The following RPS6KC1 variants were observed in gnomAD, a reference collection of about 807,000 sequenced individuals.
RPS6KC1 encodes inactive ribosomal protein S6 kinase delta-1.
RPS6KC1 carries 54 observed loss-of-function variants against 103.8 expected under a neutral mutation model. The ratio of observed to expected loss-of-function variants is 0.52; its 90% CI spans 0.42 to 0.65. The LOEUF is 0.65. Among genes scored for constraint, RPS6KC1 ranks in the 30% least tolerant of loss-of-function variants. The pLI, the probability that RPS6KC1 is intolerant of heterozygous loss-of-function variation, is 0.00. For missense variants in RPS6KC1, 1,151 were observed against 1,253.8 expected (o/e 0.92, Z 1.24); for synonymous variants, 439 against 438.7 (o/e 1.00, Z -0.01).
At chr1:213,520,315 C>G in the RPS6KC1 span, among the ~76,000 whole-genome samples, 2 of 152,064 alleles carry the variant, frequency 1.3e-5, no homozygotes, top group African/African-American at 4.8e-5. Flanking sequence ...AGAATGAGAG[C>G]CAAGCGAAAG....
the RPS6KC1 span, among the ~76,000 whole-genome samples, chr1:213,522,251 A>T: frequency 3.3e-5 from 5 of 152,170 alleles, no homozygotes; most frequent in African/African-American, 1.2e-4. Flanking sequence ...TTTTGAAAAG[A>T]CTCTCTTTTT....
the RPS6KC1 span, among the ~76,000 whole-genome samples, chr1:213,621,562 G>T: frequency 1.3e-5 from 2 of 151,384 alleles, no homozygotes; most frequent in African/African-American, 4.9e-5. Flanking sequence ...ATTCCCTGAC[G>T]TGTAAAAATA....
chr1:213,192,094 A>G (rs2092769960), intron 8 of RPS6KC1, among the ~76,000 whole-genome samples: 1 of 152,082 alleles, frequency 6.6e-6, no homozygotes, highest in Non-Finnish European at 1.5e-5. Flanking sequence ...GAGGGTTTTT[A>G]TCATGAAGGG....
intron 8 of RPS6KC1, among the ~76,000 whole-genome samples, chr1:213,214,105 G>A (rs1301630411): frequency 1.1e-5 from 1 of 92,080 alleles, no homozygotes; most frequent in Non-Finnish European, 2.6e-5. Flanking sequence ...AGCGCAAGGG[G>A]TCAGGGAATT....
At chr1:213,318,790 G>T in the RPS6KC1 span, among the ~76,000 whole-genome samples, 14 of 152,156 alleles carry the variant, frequency 9.2e-5, no homozygotes, top group Non-Finnish European at 1.6e-4. Context: ...CTGCCCCCAT[G>T]ATTCAATTAC....
At chr1:213,117,584 G>A (rs1473853749) in intron 5 of RPS6KC1, among the ~76,000 whole-genome samples, 174 bp downstream of exon 5, 3 of 151,306 alleles carry the variant, frequency 2.0e-5, no homozygotes, top group African/African-American at 7.3e-5. Context: ...ATGATATTGG[G>A]TCAGGCATAT....
intron 6 of RPS6KC1, among the ~76,000 whole-genome samples, chr1:213,158,630 G>A (rs568147441): frequency 2.6e-5 from 4 of 152,246 alleles, no homozygotes; most frequent in African/African-American, 9.6e-5. Flanking sequence ...GAAATAAAGA[G>A]TTAAATAAGC....
the RPS6KC1 span, among the ~76,000 whole-genome samples, chr1:213,467,240 G>C: frequency 2.6e-5 from 4 of 152,194 alleles, no homozygotes; most frequent in Non-Finnish European, 4.4e-5. Flanking sequence ...GAATTCTAGT[G>C]ACCAAGCACT....
intron 6 of RPS6KC1, among the ~76,000 whole-genome samples, chr1:213,138,550 C>T (rs2086646697): frequency 6.6e-6 from 1 of 152,120 alleles, no homozygotes; most frequent in Admixed American, 6.6e-5. Flanking sequence ...CTATTGTTCC[C>T]TTCTGTGTCC....
chr1:213,219,401 A>T (rs1161328566), intron 8 of RPS6KC1, among the ~76,000 whole-genome samples: 1 of 152,222 alleles, frequency 6.6e-6, no homozygotes, highest in Non-Finnish European at 1.5e-5. Flanking sequence ...AGACTTGTAC[A>T]CTGTTGGTGG....
At chr1:213,447,083 T>C in the RPS6KC1 span, among the ~76,000 whole-genome samples, 1 of 152,124 alleles carries the variant, frequency 6.6e-6, no homozygotes, top group South Asian at 2.1e-4. Context: ...ATTTTTTTTT[T>C]TTTTGACAGA....
the RPS6KC1 span, among the ~76,000 whole-genome samples, chr1:213,750,717 T>C: frequency 6.6e-6 from 1 of 152,138 alleles, no homozygotes; most frequent in Non-Finnish European, 1.5e-5. Flanking sequence ...CTTATGCAAG[T>C]CTAGGGTTCA....
At chr1:213,829,253 A>G in the RPS6KC1 span, among the ~76,000 whole-genome samples, 1 of 131,996 alleles carries the variant, frequency 7.6e-6, no homozygotes, top group Admixed American at 8.3e-5. Context: ...GAAAGACAAG[A>G]GACCTCGTTT....
chr1:213,646,124 T>TACAC, the RPS6KC1 span, among the ~76,000 whole-genome samples: 430 of 152,374 alleles, frequency 2.8e-3, 1 homozygote, highest in African/African-American at 0.01. Context: ...TGAAGTTTTA[T>TACAC]AACTTGTGGT....
chr1:213,516,659 G>T, the RPS6KC1 span, among the ~76,000 whole-genome samples: 4 of 152,132 alleles, frequency 2.6e-5, no homozygotes, highest in African/African-American at 9.7e-5. Context: ...TTTTGGCATC[G>T]ATGTTCATCA....
the RPS6KC1 span, among the ~76,000 whole-genome samples, chr1:213,517,830 A>G: frequency 2.0e-5 from 3 of 152,116 alleles, no homozygotes; most frequent in Admixed American, 1.3e-4. Context: ...ACAGTGGGGT[A>G]TTAAAGTCTC....
chr1:213,621,378 G>T, the RPS6KC1 span, among the ~76,000 whole-genome samples: 1 of 138,270 alleles, frequency 7.2e-6, no homozygotes, highest in Admixed American at 7.5e-5. Flanking sequence ...TCTGCTAAGA[G>T]ACAGGTATAT....
At chr1:213,346,752 C>T in the RPS6KC1 span, among the ~76,000 whole-genome samples, 57 of 151,788 alleles carry the variant, frequency 3.8e-4, no homozygotes, top group Admixed American at 8.5e-4. Context: ...GTATGCAGTG[C>T]GATTTTATAA....
the RPS6KC1 span, among the ~76,000 whole-genome samples, chr1:213,546,978 A>C: frequency 1.3e-5 from 2 of 152,074 alleles, no homozygotes; most frequent in African/African-American, 4.8e-5. Flanking sequence ...ACTCTATTAC[A>C]TTTATTTATC....
Sources: gnomAD v4.1 joint callset for allele counts (sites outside exome capture counted in the v4.1 genomes callset) on GRCh38, gnomAD v4.1.1 for gene constraint, MANE v1.5 for transcripts, NCBI Gene and HGNC (gene_info 2026-07-23, HGNC 2026-07-21) for gene names.